Variants in DNM1L observed in about 807,000 individuals in gnomAD.
DNM1L encodes the protein dynamin-1-like protein.
A neutral mutation model predicts 92.8 loss-of-function variants in DNM1L; 33 were observed. That is an observed-to-expected ratio of 0.36 (90% CI 0.27 to 0.48). DNM1L has a LOEUF of 0.48. Among genes scored for constraint, DNM1L ranks in the 20% least tolerant of loss-of-function variants. DNM1L has a pLI of 0.99. For synonymous variants in DNM1L, 284 were observed against 305.0 expected (o/e 0.93, Z 0.72); for missense variants, 485 against 888.8 (o/e 0.55, Z 5.78).
In DNM1L at chr12:32,743,351, C is replaced by T; in HGVS notation, c.2155-3C>T. 6.2e-7 allele frequency: 1 copy of T among 1,613,416 alleles called. No homozygotes were observed. The highest frequency in any genetic ancestry group is 8.5e-7 in the Non-Finnish European group (1 of 1,179,836). On this transcript the variant is annotated splice_polypyrimidine_tract_variant and splice_region_variant and intron_variant, in intron 19 of 19. Transcript: ENST00000549701. ...ATTTAAAATTTTTTTTCCTTTAATG[C>T]AGGCATTACAAGGAGCCAGTCAAAT...
At chr12:32,729,323 C>T (rs1400903806) in intron 9 of DNM1L, among the ~76,000 whole-genome samples, 3 of 151,804 alleles carry the variant, frequency 2.0e-5, no homozygotes, top group Non-Finnish European at 2.9e-5. Flanking sequence ...CCTTGTGATC[C>T]GCCTGCCTCG....
intron 16 of DNM1L, 192 bp from the exon 17 acceptor site, chr12:32,739,869 ACTT>A (rs1348755894): frequency 2.0e-5 from 13 of 641,586 alleles, no homozygotes; most frequent in South Asian, 1.6e-4. Context: ...TTAGAGCAGA[ACTT>A]CTTTATTATT....
intron 9 of DNM1L, chr12:32,726,860 A>T (rs1305890724): frequency 1.6e-6 from 1 of 642,380 alleles, no homozygotes; most frequent in Non-Finnish European, 2.8e-6. Context: ...ACCTCATCCT[A>T]TATGTCTTTG....
rs1401846964 is a variant in DNM1L at position 32,744,174 on chromosome 12, CAG to C, written c.*765_*766del. The C allele has an allele frequency of 5.6e-4, 85 of 152,332 alleles. 1 individual carries two copies. The highest frequency in any genetic ancestry group is 2.0e-3 in the African/African-American group (84 of 41,554). 9.4% of individuals were successfully genotyped at this position (152,332 alleles called of 1,614,324 possible). On this transcript the variant is annotated 3_prime_UTR_variant, in exon 20 of 20. Transcript: ENST00000549701. ...TCTAGAAAGACTTGGTAATGATGGT[CAG>C]TTCCTTTTAGATTTCAGAAAATCAA...
At chr12:32,736,314 C>T (rs916473985) in intron 13 of DNM1L, among the ~76,000 whole-genome samples, 1 of 152,040 alleles carries the variant, frequency 6.6e-6, no homozygotes, top group Non-Finnish European at 1.5e-5. Flanking sequence ...AGTGATCTGC[C>T]CACCTTGGCC....
chr12:32,743,481 T>C lies in DNM1L; in HGVS notation c.*71T>C. 6.9e-7 allele frequency: 1 copy of C among 1,441,894 alleles called. No individual in the cohort carries two copies. Among genetic ancestry groups the C allele is most frequent in the Non-Finnish European group, 9.7e-7 (1 of 1,027,244 alleles). The allele number at this position is 1,441,894 out of a possible 1,614,324, so 89.3% of individuals were successfully genotyped here. A position where few individuals can be genotyped will look rare whatever the true frequency, so the allele number is the denominator to read the frequency against. ...GTTACTGCCTACCTGAGTAGAATCTTATTTATGAACTCCTGTGTATTGCAA... is the reference window on the plus strand; with the variant it reads ...GTTACTGCCTACCTGAGTAGAATCTCATTTATGAACTCCTGTGTATTGCAA... On this transcript the variant is annotated 3_prime_UTR_variant, in exon 20 of 20. Transcript: ENST00000549701.
At chr12:32,679,533 T>G in intron 1 of DNM1L, 68 bp downstream of exon 1, 10 of 1,507,868 alleles carry the variant, frequency 6.6e-6, no homozygotes, top group Non-Finnish European at 9.1e-6. Flanking sequence ...GCTGCGGCAG[T>G]GCCCACTCCC....
At chr12:32,696,540 C>T (rs1952472640) in intron 1 of DNM1L, among the ~76,000 whole-genome samples, 1 of 151,204 alleles carries the variant, frequency 6.6e-6, no homozygotes, top group Admixed American at 6.6e-5. Context: ...TTGGAGGCTG[C>T]AGTGAGCTGT....
In DNM1L at chr12:32,737,126, G is replaced by A; in HGVS notation, c.1561G>A (p.Ala521Thr). ...TTAGGAACAAAGGAGAAACAGGCTA[G>A]CCAGAGAATTACCTTCAGCTGTATC... ...NIEEQRRNRL[A>T]RELPSAVSRD... The change falls in exon 14 of 20, where the codon GCC becomes ACC. Residue 521 changes from alanine to threonine, a missense_variant. This residue lies in a region of DNM1L where 65 missense variants were observed against 59.4 expected (regional missense o/e 1.09). Transcript: ENST00000549701. 1 of 1,613,706 alleles carries A rather than the reference G, an allele frequency of 6.2e-7. No individual in the cohort carries two copies. The highest frequency in any genetic ancestry group is 1.1e-5 in the South Asian group (1 of 91,070).
Position 32,745,032 on chromosome 12 carries a change from A to C in DNM1L, c.*1622A>C. Reference sequence around the variant, plus strand: ...TATGTTAACTTTAGCTTATGGCATCAATTTACTAAGGAACAACAGGCTCAC... The same window carrying C: ...TATGTTAACTTTAGCTTATGGCATCCATTTACTAAGGAACAACAGGCTCAC... On this transcript the variant is annotated 3_prime_UTR_variant, in exon 20 of 20. Transcript: ENST00000549701. 1.9e-6 allele frequency: 1 copy of C among 513,348 alleles called. No individual in the cohort carries two copies. The allele number at this position is 513,348 out of a possible 1,614,324, so 31.8% of individuals were successfully genotyped here.
intron 12 of DNM1L, chr12:32,732,650 C>T (rs527748137): frequency 4.5e-6 from 2 of 447,978 alleles, no homozygotes; most frequent in East Asian, 1.4e-4. Context: ...GCAAGGATAG[C>T]CCTCAGATTC....
rs1367160249 is a variant in DNM1L at position 32,717,376 on chromosome 12, TATATATAATATATAGTATATATA to T, written c.620-1252_620-1230del. On this transcript the variant is annotated intron_variant, in intron 6 of 19. Transcript: ENST00000549701. ...TATATAGTATATATAATATATATAC[TATATATAATATATAGTATATATA>T]ATATATAATATATATTTTAAATATA... 3.7e-3 allele frequency among the ~76,000 whole-genome samples: 292 copies of T among 78,294 alleles called. 5 individuals carry two copies. The highest frequency in any genetic ancestry group is 4.9e-3 in the Non-Finnish European group (213 of 43,370). 51.4% of individuals were successfully genotyped at this position (78,294 alleles called of 152,430 possible).
At chr12:32,699,796 CAAAAAAAA>C (rs34943495) in intron 1 of DNM1L, among the ~76,000 whole-genome samples, 1,461 of 73,648 alleles carry the variant, frequency 0.02, 47 homozygotes, top group African/African-American at 0.059. Flanking sequence ...GACTCCATCT[CAAAAAAAA>C]AAAAAAAAAA....
intron 13 of DNM1L, among the ~76,000 whole-genome samples, chr12:32,734,825 A>C (rs1268805717): frequency 6.6e-6 from 1 of 151,992 alleles, no homozygotes; most frequent in Non-Finnish European, 1.5e-5. Context: ...AAAACTGGGG[A>C]GCTTGAGGCT....
At chr12:32,710,618 CAAAAA>C (rs72384937) in intron 4 of DNM1L, among the ~76,000 whole-genome samples, 4 of 88,894 alleles carry the variant, frequency 4.5e-5, no homozygotes, top group African/African-American at 1.1e-4. Context: ...GACCTTGTCT[CAAAAA>C]AAAAAAAAAA....
intron 9 of DNM1L, among the ~76,000 whole-genome samples, chr12:32,723,181 A>G (rs1953883974): frequency 6.6e-6 from 1 of 151,734 alleles, no homozygotes; most frequent in Non-Finnish European, 1.5e-5. Context: ...AAGGATTTCA[A>G]GTTACATACT....
chr12:32,717,287 CTA>C (rs1241743723), intron 6 of DNM1L, among the ~76,000 whole-genome samples: 2 of 86,370 alleles, frequency 2.3e-5, no homozygotes, highest in South Asian at 5.9e-4. Flanking sequence ...TATATATACA[CTA>C]TATATTTTAT....
rs1187863527 is a variant in DNM1L at position 32,717,399 on chromosome 12, AATATATAATATATATTTTAAATATATACT to A, written c.620-1236_620-1208del. Among the ~76,000 whole-genome samples the A allele has an allele frequency of 6.4e-3, 426 of 66,774 alleles. 29 individuals are homozygous for A. Among genetic ancestry groups the A allele is most frequent in the African/African-American group, 0.027 (390 of 14,632 alleles). The allele number at this position is 66,774 out of a possible 152,430, so 43.8% of individuals were successfully genotyped here. A position where few individuals can be genotyped will look rare whatever the true frequency, so the allele number is the denominator to read the frequency against. ...ACTATATATAATATATAGTATATAT[AATATATAATATATATTTTAAATATATACT>A]ATATATATTTTAAATATATACTATA... On this transcript the variant is annotated intron_variant, in intron 6 of 19. Transcript: ENST00000549701.
chr12:32,723,454 T>G (rs750113819), intron 9 of DNM1L, among the ~76,000 whole-genome samples: 2 of 152,098 alleles, frequency 1.3e-5, no homozygotes, highest in Non-Finnish European at 2.9e-5. Flanking sequence ...CCCAGCACTT[T>G]GGGAGGCTGA....
Sources: allele counts gnomAD v4.1 joint callset (sites outside exome capture counted in the v4.1 genomes callset), GRCh38; gene constraint gnomAD v4.1.1; regional missense constraint gnomAD v4.1.1; transcripts MANE v1.5; gene names NCBI Gene and HGNC (gene_info 2026-07-23, HGNC 2026-07-21).